PHKA1: variants seen among roughly 807,000 people sequenced by gnomAD.
The protein encoded by PHKA1 is phosphorylase kinase regulatory subunit alpha 1.
In PHKA1, 60 loss-of-function variants were observed where a neutral mutation model predicts 110.2. The observed-to-expected ratio is 0.54, with a 90% CI of 0.44 to 0.68. The LOEUF (loss-of-function observed/expected upper bound fraction) is 0.68, where lower values mean the gene tolerates loss of function less well. Among genes scored for constraint, PHKA1 ranks in the 30% least tolerant of loss-of-function variants. The probability of loss-of-function intolerance (pLI) is 0.00; values close to 1 mark genes in which losing one functional copy is unlikely to be tolerated. For missense variants in PHKA1, 801 were observed against 942.5 expected, an observed-to-expected ratio of 0.85 and a Z score of 1.97; for synonymous variants, 316 against 333.6, an observed-to-expected ratio of 0.95 and a Z score of 0.58.
chrX:72,684,065 T>C (rs782607591), intron 5 of PHKA1, among the ~76,000 whole-genome samples: 36 of 112,393 alleles, frequency 3.2e-4, no homozygotes, highest in Non-Finnish European at 6.2e-4. Context: ...ATGGTAGTTG[T>C]AAGGAAAAAT....
At chrX:72,708,076 A>T (rs1286818436) in intron 2 of PHKA1, among the ~76,000 whole-genome samples, 1 of 111,147 alleles carries the variant, frequency 9.0e-6, no homozygotes, top group East Asian at 2.8e-4. Flanking sequence ...AGGCAGGTAG[A>T]AGAAGAAGCC....
At chrX:72,697,385 T>A (rs2054137192) in intron 3 of PHKA1, among the ~76,000 whole-genome samples, 1 of 105,343 alleles carries the variant, frequency 9.5e-6, no homozygotes, top group Admixed American at 9.8e-5. Context: ...TTTTAAAAGA[T>A]TTTTTTTAAA....
chrX:72,702,786 A>G (rs981637181), intron 3 of PHKA1, among the ~76,000 whole-genome samples: 1 of 111,711 alleles, frequency 9.0e-6, no homozygotes, highest in South Asian at 3.7e-4. Context: ...AAGGAAAATA[A>G]CTTGGGCCCC....
chrX:72,658,378 G>T (rs1220407789), intron 8 of PHKA1, among the ~76,000 whole-genome samples: 1 of 106,435 alleles, frequency 9.4e-6, no homozygotes, highest in Non-Finnish European at 1.9e-5. Context: ...AGAATCGCTT[G>T]AACCTGGGAG....
rs1323175418 is a variant in PHKA1, at chrX:72,578,970, A to T, written c.*2032T>A. 2 of 112,405 alleles carry T rather than the reference A, an allele frequency of 1.8e-5. No individual in the cohort carries two copies. The highest frequency in any genetic ancestry group is 1.9e-4 in the Admixed American group (2 of 10,577). 9.3% of individuals were successfully genotyped at this position (112,405 alleles called of 1,213,427 possible). On this transcript the variant is annotated 3_prime_UTR_variant, in exon 32 of 32. Transcript: ENST00000373542. Reference sequence around the variant, plus strand: ...AAAAAACAAGTCGAGTTTTCTTAAAAGTTGCTTTAAAAGTTAAATACCACT... The same window carrying T: ...AAAAAACAAGTCGAGTTTTCTTAAATGTTGCTTTAAAAGTTAAATACCACT...
intron 4 of PHKA1, among the ~76,000 whole-genome samples, chrX:72,692,494 T>A (rs1172126097): frequency 8.9e-6 from 1 of 112,106 alleles, no homozygotes; most frequent in Non-Finnish European, 1.9e-5. Context: ...AAAGATTTTA[T>A]ATTACTAATT....
rs1332207775 is a variant in PHKA1 at position 72,578,881 on chromosome X, A to C, written c.*2121T>G. The C allele has an allele frequency of 8.9e-6, 1 of 111,970 alleles. No homozygotes were observed. Among genetic ancestry groups the C allele is most frequent in the South Asian group, 3.7e-4 (1 of 2,682 alleles). The allele number at this position is 111,970 out of a possible 1,213,427, so 9.2% of individuals were successfully genotyped here. A position where few individuals can be genotyped will look rare whatever the true frequency, so the allele number is the denominator to read the frequency against. On this transcript the variant is annotated 3_prime_UTR_variant, in exon 32 of 32. Transcript: ENST00000373542. The stretch of plus-strand genomic sequence containing the variant: ...TTCTTATTATTTATTCTATTTTCAA[A>C]ACATAAGTGCTTTTTTAAAAAAAGT...
chrX:72,668,049 A>C (rs1447813083), intron 6 of PHKA1, among the ~76,000 whole-genome samples: 1 of 112,130 alleles, frequency 8.9e-6, no homozygotes, highest in African/African-American at 3.2e-5. Context: ...TACAAACACT[A>C]TTTTGACATA....
intron 18 of PHKA1, chrX:72,622,253 A>G (rs2052990061): frequency 1.3e-6 from 1 of 752,447 alleles, no homozygotes; most frequent in Admixed American, 8.8e-5. Context: ...GTCCTATTGT[A>G]TGAGATTGTG....
chrX:72,676,416 C>G (rs1304190380), intron 5 of PHKA1, among the ~76,000 whole-genome samples: 2 of 111,483 alleles, frequency 1.8e-5, no homozygotes, highest in African/African-American at 6.5e-5. Flanking sequence ...AGAACTATAA[C>G]TCTGTCTATC....
rs782210622 is a variant in PHKA1 at position 72,612,941 on chromosome X, T to C, written c.2370-1757A>G. ...TGCTGTGAAGATGTGGAGAGACACATGAGGAGGTCATCTGTGGGTGTACCA... is the reference window on the plus strand; with the variant it reads ...TGCTGTGAAGATGTGGAGAGACACACGAGGAGGTCATCTGTGGGTGTACCA... On this transcript the variant is annotated intron_variant, in intron 21 of 31. Transcript: ENST00000373542. Among the ~76,000 whole-genome samples, 24 of 111,083 alleles carry C rather than the reference T, an allele frequency of 2.2e-4. No individual in the cohort carries two copies. The East Asian group carries it at 3.7e-3, about 17-fold the overall frequency.
intron 6 of PHKA1, among the ~76,000 whole-genome samples, chrX:72,671,918 C>T (rs2053707724): frequency 8.9e-6 from 1 of 111,847 alleles, no homozygotes; most frequent in Admixed American, 9.4e-5. Context: ...CTTCCTTACA[C>T]CTTATACAAA....
intron 5 of PHKA1, among the ~76,000 whole-genome samples, chrX:72,680,928 G>C (rs1470789165): frequency 3.0e-4 from 19 of 62,794 alleles, no homozygotes; most frequent in Non-Finnish European, 4.8e-4. Flanking sequence ...CGAGATTGCA[G>C]CCTCTGCCCG....
chrX:72,708,054 T>C (rs1311428370), intron 2 of PHKA1: 3 of 110,860 alleles, frequency 2.7e-5, no homozygotes, highest in Admixed American at 9.6e-5. Flanking sequence ...TTAGTTTAGA[T>C]TGAAAGGGAA....
chrX:72,590,288 C>G (rs1180517642), intron 29 of PHKA1, among the ~76,000 whole-genome samples: 1 of 111,501 alleles, frequency 9.0e-6, no homozygotes, highest in African/African-American at 3.3e-5. Flanking sequence ...ACAACCATCT[C>G]ATCTTTGACA....
intron 22 of PHKA1, among the ~76,000 whole-genome samples, chrX:72,610,026 T>C (rs1303339605): frequency 3.6e-5 from 4 of 111,374 alleles, no homozygotes; most frequent in Non-Finnish European, 7.5e-5. Flanking sequence ...ATGGAGTACA[T>C]GTGATATTTT....
chrX:72,665,210 A>G (rs1187045517), intron 8 of PHKA1, among the ~76,000 whole-genome samples: 2 of 111,791 alleles, frequency 1.8e-5, no homozygotes, highest in Non-Finnish European at 3.8e-5. Context: ...AAAAAGAGAC[A>G]TTATAACCGA....
intron 16 of PHKA1, among the ~76,000 whole-genome samples, chrX:72,631,468 A>AGG (rs2053165339): frequency 9.0e-6 from 1 of 111,429 alleles, no homozygotes; most frequent in Non-Finnish European, 1.9e-5. Flanking sequence ...GTCCCCACTC[A>AGG]GTCTCTGCTG....
At chrX:72,640,370 G>A (rs782194478) in intron 14 of PHKA1, among the ~76,000 whole-genome samples, 2 of 111,136 alleles carry the variant, frequency 1.8e-5, no homozygotes, top group African/African-American at 6.5e-5. Flanking sequence ...ATAAGGAGAC[G>A]ATTTGCAAAA....
Sources: gnomAD v4.1 joint callset for allele counts (sites outside exome capture counted in the v4.1 genomes callset) on GRCh38, gnomAD v4.1.1 for gene constraint, MANE v1.5 for transcripts, NCBI Gene and HGNC (gene_info 2026-07-23, HGNC 2026-07-21) for gene names.